The following PCDHGB1 variants were observed in gnomAD, a reference collection of about 807,000 sequenced individuals.
The protein encoded by PCDHGB1 is protocadherin gamma subfamily B, 1.
Under a neutral mutation model 56.6 loss-of-function variants are expected in PCDHGB1, and 34 were observed. The ratio of observed to expected loss-of-function variants is 0.60; its 90% CI spans 0.46 to 0.80. The LOEUF is 0.80. Ranked by LOEUF, PCDHGB1 falls within the 30% of genes least tolerant of loss-of-function variation. PCDHGB1 has a pLI of 0.00. For synonymous variants in PCDHGB1, 561 were observed against 505.9 expected, an observed-to-expected ratio of 1.11 and a Z score of -1.46; for missense variants, 1,278 against 1,204.6, an observed-to-expected ratio of 1.06 and a Z score of -0.90.
intron 1 of PCDHGB1, chr5:141,366,144 C>T (rs925056179): frequency 1.9e-6 from 3 of 1,614,182 alleles, no homozygotes; most frequent in Non-Finnish European, 2.5e-6. Flanking sequence ...GCCTGGCTGT[C>T]CTACCGCCTG....
intron 1 of PCDHGB1, among the ~76,000 whole-genome samples, chr5:141,474,357 T>G (rs185194067): frequency 2.0e-4 from 30 of 152,302 alleles, no homozygotes; most frequent in African/African-American, 6.5e-4. Context: ...AAGTCATGTC[T>G]CAGTAGGTCT....
At chr5:141,395,447 G>T in intron 1 of PCDHGB1, 1 of 645,040 alleles carries the variant, frequency 1.6e-6, no homozygotes, top group South Asian at 2.4e-5. Context: ...GGAAAAGATT[G>T]TTCAACCATT....
chr5:141,371,323 AAG>A, intron 1 of PCDHGB1: 1 of 1,614,012 alleles, frequency 6.2e-7, no homozygotes, highest in Non-Finnish European at 8.5e-7. Context: ...CTGGACTTTG[AAG>A]AGAGAGATAG....
chr5:141,486,282 C>T lies in PCDHGB1; in HGVS notation c.2410-8525C>T. ...AGTGCAGAACCTGGCACTGTGGTGGCACTTATCAGTGTGCAGGATCCAGAC... is the reference window on the plus strand; with the variant it reads ...AGTGCAGAACCTGGCACTGTGGTGGTACTTATCAGTGTGCAGGATCCAGAC... On this transcript the variant is annotated intron_variant, in intron 1 of 3. Transcript: ENST00000523390. This position sits in a 1 kb window ranked among gnomAD's most constrained non-coding sequence, Gnocchi z 5.0. 6.2e-7 allele frequency: 1 copy of T among 1,614,052 alleles called. No homozygotes were observed. Among genetic ancestry groups the T allele is most frequent in the Non-Finnish European group, 8.5e-7 (1 of 1,179,992 alleles).
At chr5:141,374,051 C>T in intron 1 of PCDHGB1, 1 of 1,476,382 alleles carries the variant, frequency 6.8e-7, no homozygotes, top group Non-Finnish European at 9.0e-7. Context: ...TCTTCCTCTT[C>T]TTAATCCCAG....
chr5:141,376,254 T>C (rs745835885), intron 1 of PCDHGB1: 3 of 1,614,098 alleles, frequency 1.9e-6, no homozygotes, highest in Non-Finnish European at 2.5e-6. Context: ...AAGTCACGCC[T>C]GCTGCAGGCT....
At position 141,511,940 on chromosome 5, in the gene PCDHGB1, G is replaced by A. The variant is rs2099884015; in HGVS notation, c.*767G>A. 1 of 154,118 alleles carries A rather than the reference G, an allele frequency of 6.5e-6. No homozygotes were observed. The highest frequency in any genetic ancestry group is 1.9e-4 in the East Asian group (1 of 5,214). 9.5% of individuals were successfully genotyped at this position (154,118 alleles called of 1,614,324 possible). ...TCCACTGCATGTTCCAAGACAGTAT[G>A]GGGTGGTAAGATAAGGAAGGGAAGT... On this transcript the variant is annotated 3_prime_UTR_variant, in exon 4 of 4. Coordinates refer to ENST00000523390, the MANE Select transcript of PCDHGB1 (RefSeq NM_018922.3).
chr5:141,384,553 G>C, intron 1 of PCDHGB1: 1 of 1,614,270 alleles, frequency 6.2e-7, no homozygotes, highest in Non-Finnish European at 8.5e-7. Context: ...GAGCCTGTTC[G>C]TGCTGGACCA....
chr5:141,405,967 G>C (rs76683972), intron 1 of PCDHGB1, among the ~76,000 whole-genome samples: 1 of 151,968 alleles, frequency 6.6e-6, no homozygotes, highest in Non-Finnish European at 1.5e-5. Context: ...TGCTGTCAAC[G>C]TAAACCATAC....
chr5:141,375,300 C>A lies in PCDHGB1; in HGVS notation c.2409+22631C>A, dbSNP rs374837091. On this transcript the variant is annotated intron_variant, in intron 1 of 3. Transcript: ENST00000523390. ...GTTGGCAATTATTATCGATTAGTGA[C>A]AAATGCAGCTCTAGACCGGGAAGAG... 1.3e-5 allele frequency: 21 copies of A among 1,613,664 alleles called. No homozygotes were observed. In the African/African-American group the frequency reaches 2.1e-4, roughly 16 times the overall value.
chr5:141,478,116 C>T (rs145816520), intron 1 of PCDHGB1: 1 of 1,613,974 alleles, frequency 6.2e-7, no homozygotes, highest in Non-Finnish European at 8.5e-7. Flanking sequence ...GTGTCAGTAA[C>T]CGAGGACTCT....
intron 1 of PCDHGB1, chr5:141,376,225 C>T (rs1772427738): frequency 6.2e-7 from 1 of 1,614,206 alleles, no homozygotes; most frequent in Non-Finnish European, 8.5e-7. Context: ...TGCTGGCGCT[C>T]AGACTGCAGC....
intron 1 of PCDHGB1, chr5:141,384,152 A>G: frequency 2.5e-6 from 4 of 1,613,508 alleles, no homozygotes; most frequent in Non-Finnish European, 3.4e-6. Flanking sequence ...CTCTCTTTGT[A>G]TAACATCACA....
rs1758708224 is a variant in PCDHGB1 at position 141,351,389 on chromosome 5, A to G, written c.1129A>G (p.Met377Val). The change falls in exon 1 of 4, where the codon ATG becomes GTG. Residue 377 changes from methionine (M) to valine (V), a missense_variant. Physicochemically the swap from Met to Val is conservative, Grantham distance 21. Transcript: ENST00000523390. ...VRDKDSGQNG[M>V]VTCYTQEEVP... is the part of the protein sequence containing the mutation. ...AGACAAGGATTCTGGGCAAAATGGC[A>G]TGGTGACATGCTATACTCAGGAAGA... is the stretch of plus-strand genomic sequence containing the variant. The G allele has an allele frequency of 6.2e-7, 1 of 1,612,074 alleles. No individual in the cohort carries two copies. Among genetic ancestry groups the G allele is most frequent in the Non-Finnish European group, 8.5e-7 (1 of 1,178,890 alleles).
chr5:141,361,037 T>C, intron 1 of PCDHGB1: 1 of 1,613,390 alleles, frequency 6.2e-7, no homozygotes, highest in Non-Finnish European at 8.5e-7. Flanking sequence ...ACAGGAGAAA[T>C]CACGACAAAG....
At chr5:141,353,663 T>C (rs1218288204) in intron 1 of PCDHGB1, among the ~76,000 whole-genome samples, 1 of 152,266 alleles carries the variant, frequency 6.6e-6, no homozygotes, top group East Asian at 1.9e-4. Context: ...ACAAAGAATG[T>C]AATGAACATT....
At chr5:141,420,208 A>G (rs1396340813) in intron 1 of PCDHGB1, 1 of 1,612,970 alleles carries the variant, frequency 6.2e-7, no homozygotes, top group Non-Finnish European at 8.5e-7. Flanking sequence ...ACCTCAACAA[A>G]GATAGCATGC....
At chr5:141,409,776 T>C in intron 1 of PCDHGB1, 1 of 1,612,708 alleles carries the variant, frequency 6.2e-7, no homozygotes, top group Non-Finnish European at 8.5e-7. Context: ...CACGAGCAGC[T>C]GCGCGCCTTC....
At chr5:141,394,277 T>C (rs1209758237) in intron 1 of PCDHGB1, 1 of 1,613,946 alleles carries the variant, frequency 6.2e-7, no homozygotes, top group South Asian at 1.1e-5. Flanking sequence ...CCCAGGTCAC[T>C]TACTCTGTGA....
Sources: allele counts gnomAD v4.1 joint callset (sites outside exome capture counted in the v4.1 genomes callset), GRCh38; gene constraint gnomAD v4.1.1; non-coding constraint Gnocchi (gnomAD v3.1); transcripts MANE v1.5; gene names NCBI Gene and HGNC (gene_info 2026-07-23, HGNC 2026-07-21).